The following ATF7IP2 variants were observed in gnomAD, a reference collection of about 807,000 sequenced individuals.
The protein encoded by ATF7IP2 is activating transcription factor 7-interacting protein 2.
In ATF7IP2, 42 loss-of-function variants were observed where a neutral mutation model predicts 64.2. The observed-to-expected ratio is 0.65, with a 90% CI of 0.51 to 0.85. The LOEUF is 0.85. Among genes scored for constraint, ATF7IP2 ranks in the 40% least tolerant of loss-of-function variants. The pLI is 0.00. For missense variants in ATF7IP2, 933 were observed against 784.2 expected, an observed-to-expected ratio of 1.19 and a Z score of -2.27; for synonymous variants, 308 against 272.8, an observed-to-expected ratio of 1.13 and a Z score of -1.27.
At chr16:10,461,819 A>G (rs1212146369) in intron 9 of ATF7IP2, among the ~76,000 whole-genome samples, 4 of 152,158 alleles carry the variant, frequency 2.6e-5, no homozygotes, top group African/African-American at 9.6e-5. Flanking sequence ...GGGCACTGGC[A>G]TTGTATTTAT....
intron 8 of ATF7IP2, chr16:10,449,786 T>G (rs1185973122): frequency 6.6e-6 from 1 of 152,114 alleles, no homozygotes; most frequent in African/African-American, 2.4e-5. Context: ...TTTGTTTGTT[T>G]GTTTGTTTTT....
At chr16:10,466,525 C>T (rs186253286) in intron 9 of ATF7IP2, among the ~76,000 whole-genome samples, 32 of 152,150 alleles carry the variant, frequency 2.1e-4, no homozygotes, top group South Asian at 6.2e-4. Flanking sequence ...CGTATCCTTG[C>T]CAACTCTTGG....
chr16:10,408,557 G>A (rs1398842413), intron 1 of ATF7IP2, among the ~76,000 whole-genome samples: 1 of 152,180 alleles, frequency 6.6e-6, no homozygotes, highest in African/African-American at 2.4e-5. Flanking sequence ...GTATTGCACT[G>A]TGGTTTTGAT....
In ATF7IP2 at chr16:10,465,175, T is replaced by C. The variant is rs141752256; in HGVS notation, c.1353-6935T>C. ...TTATTTAATCCTAATAATAAATGTA[T>C]CCCTCTTTTACAGATGAGGAAACCA... On this transcript the variant is annotated intron_variant, in intron 9 of 13. Coordinates refer to ENST00000562102, the MANE Select transcript of ATF7IP2 (RefSeq NM_001393719.1). 2.1e-4 allele frequency among the ~76,000 whole-genome samples: 32 copies of C among 152,268 alleles called. 1 individual carries two copies. The East Asian group carries it at 6.2e-3, about 29-fold the overall frequency.
chr16:10,436,956 T>G (rs561656932), intron 6 of ATF7IP2, among the ~76,000 whole-genome samples: 1 of 152,236 alleles, frequency 6.6e-6, no homozygotes, highest in Non-Finnish European at 1.5e-5. Flanking sequence ...CTACGATTTG[T>G]TAGAATGGCA....
At chr16:10,433,075 G>A (rs926428058) in intron 5 of ATF7IP2, among the ~76,000 whole-genome samples, 1 of 152,046 alleles carries the variant, frequency 6.6e-6, no homozygotes, top group Non-Finnish European at 1.5e-5. Flanking sequence ...GTTAGTTTGT[G>A]GGTACGTATT....
chr16:10,433,201 C>CAGGG (rs1367454425), intron 5 of ATF7IP2, among the ~76,000 whole-genome samples: 3 of 152,098 alleles, frequency 2.0e-5, no homozygotes, highest in Non-Finnish European at 4.4e-5. Context: ...CTCCTTGAAA[C>CAGGG]AGGGTCTCAC....
At chr16:10,460,498 T>G (rs1487778899) in intron 9 of ATF7IP2, among the ~76,000 whole-genome samples, 1 of 152,198 alleles carries the variant, frequency 6.6e-6, no homozygotes, top group Admixed American at 6.5e-5. Flanking sequence ...AGCATGAGAT[T>G]GGCATGCGCT....
intron 1 of ATF7IP2, chr16:10,386,442 G>C (rs1205744435): frequency 6.6e-6 from 1 of 152,240 alleles, no homozygotes; most frequent in East Asian, 1.9e-4. Context: ...CGTGTTTTTT[G>C]TCCTGAGGGG....
intron 9 of ATF7IP2, among the ~76,000 whole-genome samples, chr16:10,464,782 C>G (rs959369214): frequency 7.2e-5 from 11 of 152,302 alleles, no homozygotes; most frequent in Admixed American, 7.2e-4. Flanking sequence ...AAAGTTACTA[C>G]TATTTTGCAT....
intron 8 of ATF7IP2, among the ~76,000 whole-genome samples, chr16:10,452,673 T>C (rs1027188479): frequency 2.6e-5 from 4 of 152,220 alleles, no homozygotes; most frequent in African/African-American, 9.6e-5. Flanking sequence ...TTCAGAGTCC[T>C]GTCCGGCAGG....
At chr16:10,475,162 A>G (rs962486389) in intron 12 of ATF7IP2, among the ~76,000 whole-genome samples, 1 of 152,240 alleles carries the variant, frequency 6.6e-6, no homozygotes, top group African/African-American at 2.4e-5. Context: ...CACAAAGAAT[A>G]AAACTATATT....
intron 9 of ATF7IP2, among the ~76,000 whole-genome samples, chr16:10,469,800 A>G (rs961345785): frequency 6.6e-5 from 10 of 152,070 alleles, no homozygotes; most frequent in Non-Finnish European, 1.5e-4. Flanking sequence ...AACAAAAAGT[A>G]AGAATGGCAC....
intron 6 of ATF7IP2, among the ~76,000 whole-genome samples, chr16:10,434,288 A>T (rs1714179634): frequency 6.6e-6 from 1 of 152,166 alleles, no homozygotes; most frequent in Non-Finnish European, 1.5e-5. Flanking sequence ...TTTCAGTTCT[A>T]GTAGAATGGT....
intron 1 of ATF7IP2, among the ~76,000 whole-genome samples, chr16:10,390,981 A>G (rs1200254386): frequency 6.6e-6 from 1 of 150,780 alleles, no homozygotes; most frequent in Admixed American, 6.6e-5. Flanking sequence ...TGGGCAGCAT[A>G]ATGAGACCCC....
intron 8 of ATF7IP2, chr16:10,447,925 A>T (rs2048864203): frequency 6.6e-6 from 1 of 152,208 alleles, no homozygotes; most frequent in South Asian, 2.1e-4. Flanking sequence ...TAAGTCTTTA[A>T]TCCATCTTGA....
In ATF7IP2 at chr16:10,430,809, A is replaced by T. The variant is rs755262501; in HGVS notation, c.189A>T (p.Glu63Asp). 1.2e-6 allele frequency: 2 copies of T among 1,614,036 alleles called. No homozygotes were observed. Among genetic ancestry groups the T allele is most frequent in the Admixed American group, 3.3e-5 (2 of 60,020 alleles). The change falls in exon 5 of 14, where the codon GAA becomes GAT. Residue 63 changes from glutamate (E) to aspartate (D), a missense_variant. Transcript: ENST00000562102. ...CTAGTGTCATAACTAGGACGACTGAAATAACCAAATGTAGCCCTTCTGAAA... is the reference window on the plus strand; with the variant it reads ...CTAGTGTCATAACTAGGACGACTGATATAACCAAATGTAGCCCTTCTGAAA... ...FSPSVITRTT[E>D]ITKCSPSENG...
rs926891203 is a variant in ATF7IP2 at position 10,483,512 on chromosome 16, G to C, written c.*1263G>C. 5 of 152,162 alleles carry C rather than the reference G, an allele frequency of 3.3e-5. No individual in the cohort carries two copies. Among genetic ancestry groups the C allele is most frequent in the Non-Finnish European group, 2.9e-5 (2 of 68,024 alleles). The allele number at this position is 152,162 out of a possible 1,614,324, so 9.4% of individuals were successfully genotyped here. A position where few individuals can be genotyped will look rare whatever the true frequency, so the allele number is the denominator to read the frequency against. ...AATAATCCCAACTGTTTGAAAGTTCGAAAGAGGGGCATTCTTTTCTGGTAC... is the reference window on the plus strand; with the variant it reads ...AATAATCCCAACTGTTTGAAAGTTCCAAAGAGGGGCATTCTTTTCTGGTAC... On this transcript the variant is annotated 3_prime_UTR_variant, in exon 14 of 14. Coordinates refer to ENST00000562102, the MANE Select transcript of ATF7IP2 (RefSeq NM_001393719.1).
intron 9 of ATF7IP2, among the ~76,000 whole-genome samples, chr16:10,465,672 G>A (rs1297742262): frequency 1.3e-5 from 2 of 149,322 alleles, no homozygotes; most frequent in East Asian, 3.9e-4. Context: ...CTGGGAGGTG[G>A]AGGTTGGCGT....
Sources: gnomAD v4.1 joint callset for allele counts (sites outside exome capture counted in the v4.1 genomes callset) on GRCh38, gnomAD v4.1.1 for gene constraint, MANE v1.5 for transcripts, NCBI Gene and HGNC (gene_info 2026-07-23, HGNC 2026-07-21) for gene names.